PHLDB1: variants seen among roughly 807,000 people sequenced by gnomAD.
The protein encoded by PHLDB1 is pleckstrin homology-like domain family B member 1.
Under a neutral mutation model 139.3 loss-of-function variants are expected in PHLDB1, and 65 were observed. That is an observed-to-expected ratio of 0.47 (90% confidence interval 0.38 to 0.57). PHLDB1 has a LOEUF of 0.57. PHLDB1 is among the 20% of genes least tolerant of loss of function. The pLI, the probability that PHLDB1 is intolerant of heterozygous loss-of-function variation, is 0.00. For missense variants in PHLDB1, 1,624 were observed against 1,839.7 expected (o/e 0.88, Z 2.14); for synonymous variants, 679 against 734.5 (o/e 0.92, Z 1.22).
At chr11:118,613,555 T>G in intron 1 of PHLDB1, 1 of 784,630 alleles carries the variant, frequency 1.3e-6, no homozygotes, top group Non-Finnish European at 1.7e-6. Flanking sequence ...GAAGTATAGA[T>G]TGGGCCCTAT....
At position 118,628,362 on chromosome 11, in the gene PHLDB1, C is replaced by T. The variant is rs781924663; in HGVS notation, c.1539C>T (p.Gly513=). ...TCTCCCTGACGCTGGGGGCACGGGG[C>T]CGTAGGACACGGAGCCCCTCACCCA... is the stretch of plus-strand genomic sequence containing the variant. ...EDFSLTLGAR[G]RRTRSPSPTL... The change falls in exon 6 of 23, where the codon GGC becomes GGT. Residue 513 remains glycine (G), a synonymous_variant. Coordinates refer to ENST00000600882, the MANE Select transcript of PHLDB1 (RefSeq NM_001144758.3). The T allele has an allele frequency of 6.2e-7, 1 of 1,611,612 alleles. No homozygotes were observed. Among genetic ancestry groups the T allele is most frequent in the Non-Finnish European group, 8.5e-7 (1 of 1,179,032 alleles).
Position 118,628,320 on chromosome 11 carries a change from G to T in PHLDB1, c.1497G>T (p.Gly499=). ...GGCCCCGGCGCTGGGCAGCCCATGG[G>T]GCTTCACCAGAGGACTTCTCCCTGA... ...SPRPRRWAAH[G]ASPEDFSLTL... Residue 499 remains glycine, a synonymous_variant, in exon 6 of 23, where the codon GGG becomes GGT. Transcript: ENST00000600882. 1.2e-6 allele frequency: 2 copies of T among 1,613,370 alleles called. No homozygotes were observed. The highest frequency in any genetic ancestry group is 1.7e-6 in the Non-Finnish European group (2 of 1,179,736).
In PHLDB1 at chr11:118,625,002, A is replaced by C; in HGVS notation, c.424A>C (p.Lys142Gln). Residue 142 changes from lysine to glutamine, a missense_variant, in exon 5 of 23, where the codon AAA becomes CAA. Transcript: ENST00000600882. ...FNHPAEAKWM[K>Q]SMIPAGGRAP... ...CCACCCGGCTGAAGCCAAGTGGATG[A>C]AAAGCATGATTCCAGCAGGGGGCCG... The C allele has an allele frequency of 6.2e-7, 1 of 1,614,008 alleles. No homozygotes were observed.
In PHLDB1 at chr11:118,631,244, C is replaced by T; in HGVS notation, c.1865C>T (p.Ala622Val). 1 of 1,460,852 alleles carries T rather than the reference C, an allele frequency of 6.8e-7. No individual in the cohort carries two copies. Among genetic ancestry groups the T allele is most frequent in the South Asian group, 1.5e-5 (1 of 66,726 alleles). 90.5% of individuals were successfully genotyped at this position (1,460,852 alleles called of 1,614,324 possible). A position where few individuals can be genotyped will look rare whatever the true frequency, so the allele number is the denominator to read the frequency against. Residue 622 changes from alanine to valine, a missense_variant, in exon 7 of 23, where the codon GCC (alanine) becomes GTC (valine). By Grantham distance (64) the Ala-to-Val change is moderately conservative. Coordinates refer to ENST00000600882, the MANE Select transcript of PHLDB1 (RefSeq NM_001144758.3). The stretch of plus-strand genomic sequence containing the variant: ...CTGGAGACCATCCTGAACCTGTGTG[C>T]CGAATACAGCCGGGCTGATGGGGGA... ...QRLETILNLC[A>V]EYSRADGGPE...
chr11:118,635,316 G>A, intron 9 of PHLDB1, 77 bp from the exon 10 acceptor site: 1 of 1,465,536 alleles, frequency 6.8e-7, no homozygotes, highest in Non-Finnish European at 9.2e-7. Flanking sequence ...TACAACGCAT[G>A]CCCCTGTGGC....
intron 10 of PHLDB1, 127 bp downstream of exon 10, chr11:118,635,675 T>A: frequency 1.2e-6 from 1 of 834,000 alleles, no homozygotes; most frequent in Non-Finnish European, 1.8e-6. Flanking sequence ...AAATGAGAAT[T>A]ACAACAGGTT....
rs1271182973 is a variant in PHLDB1, at chr11:118,613,287, C to T, written c.-21-529C>T. On this transcript the variant is annotated intron_variant, in intron 1 of 22. Transcript: ENST00000600882. The stretch of plus-strand genomic sequence containing the variant: ...TGGCTGAGTTTTTCTTTTGTGTCTC[C>T]TTTAAGAAAACATCCTACTAAAGCC... The T allele has an allele frequency of 1.1e-5, 11 of 985,152 alleles. No individual in the cohort carries two copies. The African/African-American group carries it at 1.6e-4, about 14-fold the overall frequency. 61.0% of individuals were successfully genotyped at this position (985,152 alleles called of 1,614,324 possible). A position where few individuals can be genotyped will look rare whatever the true frequency, so the allele number is the denominator to read the frequency against.
upstream of PHLDB1, among the ~76,000 whole-genome samples, chr11:118,607,335 GGTGGTGGTGGT>G (rs1939354079): frequency 1.3e-4 from 1 of 7,930 alleles, no homozygotes; most frequent in African/African-American, 1.3e-3. Context: ...GATGTGTGGT[GGTGGTGGTGGT>G]GGTGGTGGTG....
In PHLDB1 at chr11:118,650,601, A is replaced by T; in HGVS notation, c.3874+54A>T. On this transcript the variant is annotated intron_variant, in intron 20 of 22. Coordinates refer to ENST00000600882, the MANE Select transcript of PHLDB1 (RefSeq NM_001144758.3). This position sits in a 1 kb window ranked among gnomAD's most constrained non-coding sequence, Gnocchi z 4.7. ...CCAGCCAGGATCCCTGGGCTCTGTT[A>T]CCCAGGACGGCTGGTCTTCTAGAAG... The T allele has an allele frequency of 8.0e-7, 1 of 1,244,066 alleles. No individual in the cohort carries two copies. Among genetic ancestry groups the T allele is most frequent in the Non-Finnish European group, 1.2e-6 (1 of 843,822 alleles). The allele number at this position is 1,244,066 out of a possible 1,614,324, so 77.1% of individuals were successfully genotyped here. A position where few individuals can be genotyped will look rare whatever the true frequency, so the allele number is the denominator to read the frequency against.
chr11:118,643,716 G>T, intron 13 of PHLDB1, 84 bp from the exon 14 acceptor site: 1 of 1,608,290 alleles, frequency 6.2e-7, no homozygotes, highest in African/African-American at 1.3e-5. Context: ...AGGGCGGTAC[G>T]TCAGATCACA....
Position 118,644,736 on chromosome 11 carries a change from C to T in PHLDB1, c.3121+562C>T, listed in dbSNP as rs1227956782. 6 of 1,230,572 alleles carry T rather than the reference C, an allele frequency of 4.9e-6. No individual in the cohort carries two copies. In the Admixed American group the frequency reaches 9.3e-5, roughly 19 times the overall value. The allele number at this position is 1,230,572 out of a possible 1,614,324, so 76.2% of individuals were successfully genotyped here. ...GGGCATTGCTTTGGCCAGGCAGCCC[C>T]TGCCCTGGCATCAGCATGATGTGTC... is the stretch of plus-strand genomic sequence containing the variant. On this transcript the variant is annotated intron_variant, in intron 15 of 22. Transcript: ENST00000600882.
Position 118,645,276 on chromosome 11 carries a change from C to A in PHLDB1, c.3122-80C>A. ...TTAACCTCTCCCTGCTTGCCCCTCC[C>A]TCTGTGTGTTGTGCTGCCAGTGGCC... On this transcript the variant is annotated intron_variant, in intron 15 of 22. Coordinates refer to ENST00000600882, the MANE Select transcript of PHLDB1 (RefSeq NM_001144758.3). The surrounding 1 kb of genome is among the most constrained non-coding windows in gnomAD (Gnocchi z 5.1). 8.8e-7 allele frequency: 1 copy of A among 1,130,754 alleles called. No individual in the cohort carries two copies. Among genetic ancestry groups the A allele is most frequent in the South Asian group, 1.6e-5 (1 of 61,244 alleles). 70.0% of individuals were successfully genotyped at this position (1,130,754 alleles called of 1,614,324 possible). A position where few individuals can be genotyped will look rare whatever the true frequency, so the allele number is the denominator to read the frequency against.
Position 118,632,046 on chromosome 11 carries a change from C to T in PHLDB1, c.2234C>T (p.Ala745Val), listed in dbSNP as rs1257767365. ...KELEQQLQES[A>V]REAEMERALL... ...CTAGAGCAGCAGCTGCAGGAGTCAGCCCGAGAGGTGAGCCGTGAAGTCCCT... is the reference window on the plus strand; with the variant it reads ...CTAGAGCAGCAGCTGCAGGAGTCAGTCCGAGAGGTGAGCCGTGAAGTCCCT... Residue 745 changes from alanine to valine, a missense_variant, in exon 8 of 23, where the codon GCC becomes GTC. Ala to Val is a moderately conservative substitution (Grantham distance 64). Transcript: ENST00000600882. This position sits in a 1 kb window ranked among gnomAD's most constrained non-coding sequence, Gnocchi z 5.9. The T allele has an allele frequency of 2.5e-6, 4 of 1,613,656 alleles. No individual in the cohort carries two copies. The highest frequency in any genetic ancestry group is 1.3e-5 in the African/African-American group (1 of 74,928).
intron 15 of PHLDB1, chr11:118,644,654 G>A (rs1283120812): frequency 7.8e-6 from 10 of 1,289,336 alleles, no homozygotes; most frequent in East Asian, 1.1e-4. Context: ...CAGTCGAGTC[G>A]CTTCCCGCCG....
intron 12 of PHLDB1, chr11:118,641,720 C>G (rs1555120814): frequency 7.0e-6 from 9 of 1,289,724 alleles, no homozygotes; most frequent in African/African-American, 1.5e-5. Flanking sequence ...GACCTGGTTC[C>G]CACCACCTGC....
At chr11:118,642,106 G>A (rs1000006153) in intron 12 of PHLDB1, 148 bp from the exon 13 acceptor site, 19 of 753,632 alleles carry the variant, frequency 2.5e-5, no homozygotes, top group Non-Finnish European at 3.5e-5. Flanking sequence ...TTTCCCTGAT[G>A]TGGCCTTCCT....
At chr11:118,631,176 C>G (rs369148310) in intron 6 of PHLDB1, 31 bp from the exon 7 acceptor site, 1 of 1,388,936 alleles carries the variant, frequency 7.2e-7, no homozygotes, top group Non-Finnish European at 9.4e-7. Context: ...GCTTCCTCCC[C>G]TTCATGTCCT....
intron 13 of PHLDB1, 41 bp from the exon 14 acceptor site, chr11:118,643,758 TG>T: frequency 6.2e-7 from 1 of 1,613,718 alleles, no homozygotes; most frequent in Non-Finnish European, 8.5e-7. Context: ...AGGTGGCCAA[TG>T]GGGGAGCCAG....
At chr11:118,626,423 G>A (rs572564201) in intron 5 of PHLDB1, among the ~76,000 whole-genome samples, 19 of 151,758 alleles carry the variant, frequency 1.3e-4, no homozygotes, top group East Asian at 3.9e-4. Flanking sequence ...TCACTCTGTC[G>A]CCCAGGCTGC....
Sources: allele counts gnomAD v4.1 joint callset (sites outside exome capture counted in the v4.1 genomes callset), GRCh38; gene constraint gnomAD v4.1.1; non-coding constraint Gnocchi (gnomAD v3.1); transcripts MANE v1.5; gene names NCBI Gene and HGNC (gene_info 2026-07-23, HGNC 2026-07-21).